Variants in ZNF195 observed in about 807,000 individuals in gnomAD.
ZNF195 encodes the protein hypoxia-regulated factor-1.
A neutral mutation model predicts 19.5 loss-of-function variants in ZNF195; 11 were observed. The ratio of observed to expected loss-of-function variants is 0.57; its 90% CI spans 0.36 to 0.94. The LOEUF is 0.94. ZNF195 is among the 40% of genes least tolerant of loss of function. ZNF195 has a pLI of 0.01. For synonymous variants in ZNF195, 214 were observed against 248.1 expected, an observed-to-expected ratio of 0.86 and a Z score of 1.29; for missense variants, 582 against 709.0, an observed-to-expected ratio of 0.82 and a Z score of 2.03.
In ZNF195 at chr11:3,359,749, T is replaced by C. The variant is rs778107450; in HGVS notation, c.1259A>G (p.Lys420Arg). The change falls in exon 6 of 6, where the codon AAG becomes AGG. Residue 420 changes from lysine (K) to arginine (R), a missense_variant. By Grantham distance (26) the Lys-to-Arg change is conservative. Around this residue, in one of 3 missense-constraint regions of ZNF195, gnomAD observed 407 missense variants for 530.5 expected, o/e 0.77. Coordinates refer to ENST00000399602, the MANE Select transcript of ZNF195 (RefSeq NM_001130520.3). The surrounding 1 kb of genome is among the most constrained non-coding windows in gnomAD (Gnocchi z 5.5). ...ATGTTTAGTAAGGTCTGAGAACCAC[T>C]TGAAGATGCTGTCACATTCCTCACA... ...FKCEECDSIF[K>R]WFSDLTKHKR... is the part of the protein sequence containing the mutation. The C allele has an allele frequency of 1.2e-6, 2 of 1,614,096 alleles. No homozygotes were observed. Among genetic ancestry groups the C allele is most frequent in the Non-Finnish European group, 1.7e-6 (2 of 1,180,044 alleles).
chr11:3,363,135 T>G (rs1848711668), intron 3 of ZNF195, among the ~76,000 whole-genome samples: 1 of 152,228 alleles, frequency 6.6e-6, no homozygotes, highest in South Asian at 2.1e-4. Context: ...ATACTGCTAT[T>G]TTTTGCTTCA....
chr11:3,377,035 C>T (rs1554931894), intron 1 of ZNF195, among the ~76,000 whole-genome samples: 1 of 152,144 alleles, frequency 6.6e-6, no homozygotes, highest in Non-Finnish European at 1.5e-5. Context: ...AAAGAACAGA[C>T]CTAAGTAACT....
intron 3 of ZNF195, chr11:3,366,992 G>A (rs1482359644): frequency 4.4e-6 from 2 of 452,200 alleles, no homozygotes; most frequent in Non-Finnish European, 8.9e-6. Context: ...TCGAGCCCAG[G>A]AAGCAGAGGT....
chr11:3,358,871 A>G lies in ZNF195; in HGVS notation c.*247T>C, dbSNP rs1189102565. ...ACAAATGTTATTCCACATTTATGAG[A>G]TTTGTTGGGTTTCTCTACAAATTTT... On this transcript the variant is annotated 3_prime_UTR_variant, in exon 6 of 6. Transcript: ENST00000399602. 3 of 398,716 alleles carry G rather than the reference A, an allele frequency of 7.5e-6. No homozygotes were observed. Among genetic ancestry groups the G allele is most frequent in the African/African-American group, 6.2e-5 (3 of 48,352 alleles). The allele number at this position is 398,716 out of a possible 1,614,324, so 24.7% of individuals were successfully genotyped here.
At chr11:3,362,124 C>T (rs1463606378) in intron 3 of ZNF195, 2 of 339,300 alleles carry the variant, frequency 5.9e-6, no homozygotes, top group Non-Finnish European at 1.2e-5. Flanking sequence ...GAACACAAAA[C>T]TTCCAAGCAA....
intron 3 of ZNF195, among the ~76,000 whole-genome samples, chr11:3,370,211 CACACATAT>C (rs1849131494): frequency 1.3e-5 from 2 of 150,526 alleles, no homozygotes; most frequent in African/African-American, 2.5e-5. Context: ...CACATATATA[CACACATAT>C]ATACACACAT....
At chr11:3,374,614 G>A (rs1344548293) in intron 1 of ZNF195, among the ~76,000 whole-genome samples, 6 of 152,352 alleles carry the variant, frequency 3.9e-5, no homozygotes, top group African/African-American at 1.4e-4. Flanking sequence ...CACGTCATGT[G>A]AGTTAATCCT....
At chr11:3,374,588 A>T (rs757954015) in intron 1 of ZNF195, among the ~76,000 whole-genome samples, 22 of 152,234 alleles carry the variant, frequency 1.4e-4, no homozygotes, top group Non-Finnish European at 3.1e-4. Flanking sequence ...ATGTGACAGC[A>T]CTGTGCTGGG....
At chr11:3,373,532 T>G in intron 1 of ZNF195, 1 of 1,455,842 alleles carries the variant, frequency 6.9e-7, no homozygotes, top group Non-Finnish European at 9.4e-7. Flanking sequence ...ACATGACATT[T>G]CAGGAGCAAA....
At chr11:3,373,472 C>T (rs2133729169) in intron 1 of ZNF195, 1 of 892,268 alleles carries the variant, frequency 1.1e-6, no homozygotes, top group South Asian at 1.5e-5. Context: ...AACAAACTTA[C>T]TATGGAGAAA....
chr11:3,377,970 T>A (rs2412168), intron 1 of ZNF195: 731,688 of 960,688 alleles, frequency 0.76, 279,984 homozygotes, highest in Middle Eastern at 0.81. Context: ...ATTCTCTGCT[T>A]TCCTGTCACG....
chr11:3,377,435 G>A (rs186874228), intron 1 of ZNF195, among the ~76,000 whole-genome samples: 15 of 152,344 alleles, frequency 9.8e-5, no homozygotes, highest in African/African-American at 3.4e-4. Flanking sequence ...ATCTCACGGG[G>A]TGGAGTTTTT....
intron 3 of ZNF195, among the ~76,000 whole-genome samples, chr11:3,362,990 A>G (rs572307705): frequency 9.8e-5 from 15 of 152,318 alleles, no homozygotes; most frequent in Non-Finnish European, 2.1e-4. Flanking sequence ...CATACTTCCT[A>G]AAACATACTT....
chr11:3,367,934 G>A (rs770787633), intron 3 of ZNF195, among the ~76,000 whole-genome samples: 24 of 152,008 alleles, frequency 1.6e-4, no homozygotes, highest in South Asian at 8.3e-4. Context: ...TTAGCCAGGC[G>A]TGGTGGTGCA....
At position 3,379,082 on chromosome 11, in the gene ZNF195, C is replaced by T; in HGVS notation, c.-42G>A. On this transcript the variant is annotated 5_prime_UTR_variant, in exon 1 of 6. Transcript: ENST00000399602. ...AGCCTGGCGTTTCACTTCTGGATCT[C>T]CCGGTGCCTGCGGGTCACACGACCT... 1 of 1,493,006 alleles carries T rather than the reference C, an allele frequency of 6.7e-7. No homozygotes were observed. Among genetic ancestry groups the T allele is most frequent in the Middle Eastern group, 1.8e-4 (1 of 5,656 alleles). The allele number at this position is 1,493,006 out of a possible 1,614,324, so 92.5% of individuals were successfully genotyped here. A position where few individuals can be genotyped will look rare whatever the true frequency, so the allele number is the denominator to read the frequency against.
chr11:3,370,916 T>A, intron 3 of ZNF195, 59 bp downstream of exon 3: 1 of 1,567,566 alleles, frequency 6.4e-7, no homozygotes, highest in Non-Finnish European at 8.8e-7. Context: ...AAGGTCTGGC[T>A]TCCTCCTCGA....
In ZNF195 at chr11:3,358,607, C is replaced by G. The variant is rs1472690779; in HGVS notation, c.*511G>C. On this transcript the variant is annotated 3_prime_UTR_variant, in exon 6 of 6. Transcript: ENST00000399602. The stretch of plus-strand genomic sequence containing the variant: ...CAATATTCGCTTTTCAAAAATTTAA[C>G]ATTTTTTCAATGCAAAAAAGTATAT... The G allele has an allele frequency of 6.6e-6, 1 of 152,196 alleles. No homozygotes were observed. Among genetic ancestry groups the G allele is most frequent in the African/African-American group, 2.4e-5 (1 of 41,438 alleles). 9.4% of individuals were successfully genotyped at this position (152,196 alleles called of 1,614,324 possible). A position where few individuals can be genotyped will look rare whatever the true frequency, so the allele number is the denominator to read the frequency against.
Position 3,359,985 on chromosome 11 carries a change from G to A in ZNF195, c.1023C>T (p.His341=). 6.2e-7 allele frequency: 1 copy of A among 1,614,066 alleles called. No homozygotes were observed. The highest frequency in any genetic ancestry group is 8.5e-7 in the Non-Finnish European group (1 of 1,180,032). ...CAGTACCATGCTCATGTTCAGTAAG[G>A]TGGGAGCACTGGTTAAATACTTTGC... ...EFGKVFNQCS[H]LTEHEHGTEE... The change falls in exon 6 of 6, where the codon CAC becomes CAT. Residue 341 remains histidine, a synonymous_variant. Transcript: ENST00000399602. The surrounding 1 kb of genome is among the most constrained non-coding windows in gnomAD (Gnocchi z 5.5).
At position 3,371,525 on chromosome 11, in the gene ZNF195, G is replaced by A. The variant is rs370257285; in HGVS notation, c.130+52C>T. ...CCCAAAAAACATTCCGCAGAGGAACGAAAGGAACTCTTTAGGGCATAGGAG... is the reference window on the plus strand; with the variant it reads ...CCCAAAAAACATTCCGCAGAGGAACAAAAGGAACTCTTTAGGGCATAGGAG... On this transcript the variant is annotated intron_variant, in intron 2 of 5. Coordinates refer to ENST00000399602, the MANE Select transcript of ZNF195 (RefSeq NM_001130520.3). 26 of 1,611,520 alleles carry A rather than the reference G, an allele frequency of 1.6e-5. 1 individual carries two copies. The highest frequency in any genetic ancestry group is 1.0e-4 in the Admixed American group (6 of 59,728).
Sources: allele counts gnomAD v4.1 joint callset (sites outside exome capture counted in the v4.1 genomes callset), GRCh38; gene constraint gnomAD v4.1.1; regional missense constraint gnomAD v4.1.1; non-coding constraint Gnocchi (gnomAD v3.1); transcripts MANE v1.5; gene names NCBI Gene and HGNC (gene_info 2026-07-23, HGNC 2026-07-21).